GALNTL6: variants seen among roughly 807,000 people sequenced by gnomAD.
GALNTL6 encodes the protein polypeptide N-acetylgalactosaminyltransferase-like 6.
A neutral mutation model predicts 73.7 loss-of-function variants in GALNTL6; 46 were observed. That is an observed-to-expected ratio of 0.62 (90% CI 0.49 to 0.80). The LOEUF (loss-of-function observed/expected upper bound fraction) is 0.80. GALNTL6 is among the 30% of genes least tolerant of loss of function. GALNTL6 has a pLI of 0.00. For synonymous variants in GALNTL6, 259 were observed against 263.7 expected (o/e 0.98, Z 0.17); for missense variants, 604 against 755.0 (o/e 0.80, Z 2.34).
At chr4:172,016,073 G>T (rs1390718487) in intron 2 of GALNTL6, among the ~76,000 whole-genome samples, 1 of 151,294 alleles carries the variant, frequency 6.6e-6, no homozygotes, top group Non-Finnish European at 1.5e-5. Flanking sequence ...ACTTTCCCAG[G>T]AGTTCTTTGA....
chr4:172,108,842 T>G (rs1732764769), intron 2 of GALNTL6, among the ~76,000 whole-genome samples: 1 of 151,622 alleles, frequency 6.6e-6, no homozygotes, highest in East Asian at 1.9e-4. Context: ...TGAAACCCCA[T>G]CTCTACTAAA....
chr4:172,771,060 T>C (rs764702913), intron 5 of GALNTL6, among the ~76,000 whole-genome samples: 41 of 152,166 alleles, frequency 2.7e-4, no homozygotes, highest in Non-Finnish European at 5.0e-4. Flanking sequence ...CCTTATATAT[T>C]CATAGGAAGA....
intron 5 of GALNTL6, among the ~76,000 whole-genome samples, chr4:172,501,670 A>G (rs551123831): frequency 4.1e-4 from 62 of 152,242 alleles, no homozygotes; most frequent in Admixed American, 1.2e-3. Context: ...GAGAGACCAC[A>G]ATATACTTGG....
intron 5 of GALNTL6, among the ~76,000 whole-genome samples, chr4:172,664,371 T>C (rs1184919596): frequency 6.6e-6 from 1 of 152,236 alleles, no homozygotes; most frequent in Non-Finnish European, 1.5e-5. Context: ...TTGTGATTCA[T>C]TTGACAGTAC....
At chr4:171,977,050 G>T (rs564063042) in intron 2 of GALNTL6, among the ~76,000 whole-genome samples, 10 of 152,286 alleles carry the variant, frequency 6.6e-5, no homozygotes, top group Non-Finnish European at 1.5e-4. Context: ...GAAGCCGGCT[G>T]CATTTCCTTT....
chr4:172,093,067 T>C (rs1732251642), intron 2 of GALNTL6, among the ~76,000 whole-genome samples: 1 of 151,926 alleles, frequency 6.6e-6, no homozygotes, highest in Non-Finnish European at 1.5e-5. Flanking sequence ...AAAGATGGGG[T>C]TTCACCATGT....
chr4:172,872,635 G>A (rs1176178522), intron 7 of GALNTL6, among the ~76,000 whole-genome samples: 1 of 152,096 alleles, frequency 6.6e-6, no homozygotes, highest in Non-Finnish European at 1.5e-5. Context: ...GTAACTACAA[G>A]AAACACTTTT....
chr4:172,155,359 A>C (rs1013864970), intron 2 of GALNTL6, among the ~76,000 whole-genome samples: 7 of 152,182 alleles, frequency 4.6e-5, no homozygotes, highest in Non-Finnish European at 5.9e-5. Context: ...GTGAGGATAC[A>C]GTGAGAAGGT....
At chr4:173,007,050 T>A (rs1030839504) in intron 10 of GALNTL6, among the ~76,000 whole-genome samples, 1 of 152,190 alleles carries the variant, frequency 6.6e-6, no homozygotes, top group Non-Finnish European at 1.5e-5. Context: ...ACCCACCACA[T>A]TGATTCCCTC....
At position 172,336,438 on chromosome 4, in the gene GALNTL6, A is replaced by AT. The variant is rs143454987; in HGVS notation, c.387-12068dup. ...AGGCACATGCCACCATGCCCAGCTA[A>AT]TTTTTTTTTTTTTTTTTAAGTAGAG... is the stretch of plus-strand genomic sequence containing the variant. On this transcript the variant is annotated intron_variant, in intron 4 of 12. Coordinates refer to ENST00000506823, the MANE Select transcript of GALNTL6 (RefSeq NM_001034845.3). 3.9e-3 allele frequency among the ~76,000 whole-genome samples: 533 copies of AT among 136,786 alleles called. 5 individuals carry two copies. Among genetic ancestry groups the AT allele is most frequent in the South Asian group, 0.031 (132 of 4,238 alleles). 89.7% of individuals were successfully genotyped at this position (136,786 alleles called of 152,430 possible). A position where few individuals can be genotyped will look rare whatever the true frequency, so the allele number is the denominator to read the frequency against.
intron 2 of GALNTL6, among the ~76,000 whole-genome samples, chr4:172,059,730 T>A (rs1285840531): frequency 6.6e-6 from 1 of 152,228 alleles, no homozygotes; most frequent in Non-Finnish European, 1.5e-5. Flanking sequence ...CAATATAAAG[T>A]GTGATTTTTA....
At chr4:172,405,409 A>T (rs905463907) in intron 5 of GALNTL6, among the ~76,000 whole-genome samples, 1 of 6,002 alleles carries the variant, frequency 1.7e-4, no homozygotes, top group African/African-American at 4.4e-4. Context: ...CTTGATATAT[A>T]TATATATATA....
chr4:172,619,759 G>A (rs1414454326), intron 5 of GALNTL6, among the ~76,000 whole-genome samples: 1 of 152,156 alleles, frequency 6.6e-6, no homozygotes, highest in East Asian at 1.9e-4. Context: ...TTTAATGACT[G>A]TCAGATAACA....
At chr4:172,618,131 C>T (rs1738815500) in intron 5 of GALNTL6, among the ~76,000 whole-genome samples, 1 of 152,098 alleles carries the variant, frequency 6.6e-6, no homozygotes, top group African/African-American at 2.4e-5. Flanking sequence ...TTTCTGCTTT[C>T]CCTGTCACAC....
chr4:172,368,353 C>G (rs924943845), intron 5 of GALNTL6, among the ~76,000 whole-genome samples: 4 of 152,114 alleles, frequency 2.6e-5, no homozygotes, highest in African/African-American at 9.7e-5. Flanking sequence ...TGCACTCCAG[C>G]CTGGGCGACA....
At position 172,460,206 on chromosome 4, in the gene GALNTL6, T is replaced by C. The variant is rs114073743; in HGVS notation, c.553+111517T>C. On this transcript the variant is annotated intron_variant, in intron 5 of 12. Coordinates refer to ENST00000506823, the MANE Select transcript of GALNTL6 (RefSeq NM_001034845.3). ...AACTGAACCCCTTCTTTGTATCTTATGCAAAAATTAACTCAAGATGGATTA... is the reference window on the plus strand; with the variant it reads ...AACTGAACCCCTTCTTTGTATCTTACGCAAAAATTAACTCAAGATGGATTA... 7.6e-3 allele frequency among the ~76,000 whole-genome samples: 1,164 copies of C among 152,314 alleles called. 12 individuals are homozygous for C. Among genetic ancestry groups the C allele is most frequent in the African/African-American group, 0.026 (1,066 of 41,576 alleles).
At chr4:171,891,731 T>A (rs902459010) in intron 2 of GALNTL6, among the ~76,000 whole-genome samples, 4 of 152,212 alleles carry the variant, frequency 2.6e-5, no homozygotes, top group African/African-American at 9.6e-5. Context: ...TTTTATGGTA[T>A]CTGTAGGTTA....
At chr4:172,349,707 A>G (rs988997733) in intron 5 of GALNTL6, among the ~76,000 whole-genome samples, 2 of 152,026 alleles carry the variant, frequency 1.3e-5, no homozygotes, top group African/African-American at 2.4e-5. Flanking sequence ...TGGGACTTAC[A>G]TGACAGAAAG....
At chr4:172,189,691 A>T (rs970093982) in intron 2 of GALNTL6, among the ~76,000 whole-genome samples, 2 of 152,160 alleles carry the variant, frequency 1.3e-5, no homozygotes, top group African/African-American at 2.4e-5. Flanking sequence ...TTGAGAAGGG[A>T]ATTAAATTCA....
Sources: gnomAD v4.1 joint callset for allele counts (sites outside exome capture counted in the v4.1 genomes callset) on GRCh38, gnomAD v4.1.1 for gene constraint, MANE v1.5 for transcripts, NCBI Gene and HGNC (gene_info 2026-07-23, HGNC 2026-07-21) for gene names.